Variants in DCC observed in about 807,000 individuals in gnomAD.
The protein encoded by DCC is netrin receptor DCC.
A neutral mutation model predicts 172.5 loss-of-function variants in DCC; 58 were observed. That is an observed-to-expected ratio of 0.34 (90% CI 0.27 to 0.42). The LOEUF (loss-of-function observed/expected upper bound fraction) is 0.42, where lower values mean the gene tolerates loss of function less well. Ranked by LOEUF, DCC falls within the 10% of genes least tolerant of loss-of-function variation. The pLI is 1.00. For synonymous variants in DCC, 709 were observed against 644.5 expected, an observed-to-expected ratio of 1.10 and a Z score of -1.52; for missense variants, 1,740 against 1,791.0, an observed-to-expected ratio of 0.97 and a Z score of 0.51.
chr18:53,013,539 C>CG (rs2041761847), intron 5 of DCC, among the ~76,000 whole-genome samples: 1 of 151,412 alleles, frequency 6.6e-6, no homozygotes, highest in Non-Finnish European at 1.5e-5. Context: ...AGGGCATTAT[C>CG]GGGGGGTGGG....
chr18:52,392,730 T>C (rs1051063582), intron 1 of DCC, among the ~76,000 whole-genome samples: 86 of 152,068 alleles, frequency 5.7e-4, no homozygotes, highest in African/African-American at 2.1e-3. Flanking sequence ...CTTTGGTGTG[T>C]TCCTGTCTAC....
At chr18:52,813,247 T>C (rs377457174) in intron 2 of DCC, among the ~76,000 whole-genome samples, 1 of 73,424 alleles carries the variant, frequency 1.4e-5, no homozygotes, top group Admixed American at 1.1e-4. Context: ...GTTCACTAAA[T>C]GCCACATGAA....
At chr18:53,131,275 A>T (rs2043647302) in intron 7 of DCC, among the ~76,000 whole-genome samples, 1 of 152,164 alleles carries the variant, frequency 6.6e-6, no homozygotes, top group Non-Finnish European at 1.5e-5. Context: ...TCTCTCAAGA[A>T]GGGCTTTGAA....
rs72918254 is a variant in DCC, at chr18:53,478,337, C to T, written c.3737-8460C>T. On this transcript the variant is annotated intron_variant, in intron 25 of 28. Coordinates refer to ENST00000442544, the MANE Select transcript of DCC (RefSeq NM_005215.4). ...TGAAGAAAGATTTAGATCTACATTACATTTCTAGATGGTATTGCACAATCG... is the reference window on the plus strand; with the variant it reads ...TGAAGAAAGATTTAGATCTACATTATATTTCTAGATGGTATTGCACAATCG... Among the ~76,000 whole-genome samples, 652 of 152,318 alleles carry T rather than the reference C, an allele frequency of 4.3e-3. 1 individual carries two copies. Among genetic ancestry groups the T allele is most frequent in the Non-Finnish European group, 6.8e-3 (464 of 68,034 alleles).
intron 7 of DCC, among the ~76,000 whole-genome samples, chr18:53,082,277 A>G (rs920283071): frequency 2.6e-5 from 4 of 152,160 alleles, no homozygotes; most frequent in Admixed American, 6.6e-5. Context: ...CCTTGCAAGC[A>G]TAATAACAAA....
chr18:53,024,988 A>G (rs2041936594), intron 5 of DCC, among the ~76,000 whole-genome samples: 1 of 152,124 alleles, frequency 6.6e-6, no homozygotes, highest in South Asian at 2.1e-4. Flanking sequence ...TTATTTACAT[A>G]AGTAATACAG....
At chr18:52,562,581 T>C (rs1037377180) in intron 1 of DCC, among the ~76,000 whole-genome samples, 4 of 152,142 alleles carry the variant, frequency 2.6e-5, no homozygotes, top group African/African-American at 9.7e-5. Flanking sequence ...TTCAGTTTCC[T>C]TTTCACCTTT....
At chr18:53,031,537 T>A (rs1436644711) in intron 5 of DCC, among the ~76,000 whole-genome samples, 1 of 152,070 alleles carries the variant, frequency 6.6e-6, no homozygotes, top group Non-Finnish European at 1.5e-5. Flanking sequence ...CTTTGCTGTA[T>A]ATCTGCAGGA....
At chr18:52,451,426 T>A (rs1316187060) in intron 1 of DCC, among the ~76,000 whole-genome samples, 1 of 152,040 alleles carries the variant, frequency 6.6e-6, no homozygotes, top group Non-Finnish European at 1.5e-5. Context: ...CTGAGGCCGT[T>A]TGGGAAAGAG....
In DCC at chr18:53,082,721, C is replaced by G. The variant is rs545031921; in HGVS notation, c.1261+16555C>G. On this transcript the variant is annotated intron_variant, in intron 7 of 28. Transcript: ENST00000442544. ...GTATGTCTCTTTCTTATAGTTTCCA[C>G]GTGGTATGTATAAATCTGTTTTATT... Among the ~76,000 whole-genome samples, 39 of 152,142 alleles carry G rather than the reference C, an allele frequency of 2.6e-4. No individual in the cohort carries two copies. The East Asian group carries it at 7.4e-3, about 29-fold the overall frequency.
At chr18:53,354,795 G>T (rs2057857961) in intron 15 of DCC, among the ~76,000 whole-genome samples, 1 of 86,392 alleles carries the variant, frequency 1.2e-5, no homozygotes, top group Non-Finnish European at 2.6e-5. Flanking sequence ...GGCTTTTGTT[G>T]CCAATGGGGT....
In DCC at chr18:52,751,781, T is replaced by A. The variant is rs1376338013; in HGVS notation, c.92-273T>A. Among the ~76,000 whole-genome samples the A allele has an allele frequency of 2.0e-5, 3 of 152,176 alleles. No homozygotes were observed. The East Asian group carries it at 5.8e-4, about 29-fold the overall frequency. On this transcript the variant is annotated intron_variant, in intron 1 of 28. Coordinates refer to ENST00000442544, the MANE Select transcript of DCC (RefSeq NM_005215.4). Reference sequence around the variant, plus strand: ...GTCTAAATTTTCATGTACTGACTGATATGTGGTAATAAGCATGCCAGGATT... The same window carrying A: ...GTCTAAATTTTCATGTACTGACTGAAATGTGGTAATAAGCATGCCAGGATT...
At chr18:52,930,255 G>A (rs994581061) in intron 5 of DCC, among the ~76,000 whole-genome samples, 1 of 151,856 alleles carries the variant, frequency 6.6e-6, no homozygotes, top group East Asian at 1.9e-4. Flanking sequence ...ATGAGCCATC[G>A]CACCCAACCT....
intron 1 of DCC, among the ~76,000 whole-genome samples, chr18:52,393,007 G>A (rs1409884555): frequency 6.6e-6 from 1 of 152,024 alleles, no homozygotes; most frequent in Non-Finnish European, 1.5e-5. Context: ...CTGTGGTGAA[G>A]CCAGGGCCAG....
At chr18:52,888,324 G>T (rs2039598197) in intron 2 of DCC, among the ~76,000 whole-genome samples, 1 of 152,140 alleles carries the variant, frequency 6.6e-6, no homozygotes, top group East Asian at 1.9e-4. Context: ...AACAGTATGT[G>T]GTCTTCTCAG....
intron 25 of DCC, chr18:53,480,789 G>A (rs189392343): frequency 2.6e-5 from 4 of 152,122 alleles, no homozygotes; most frequent in Non-Finnish European, 5.9e-5. Context: ...GCTCTTCAAC[G>A]TGTAGCTATT....
chr18:52,781,739 G>T (rs868153126), intron 2 of DCC, among the ~76,000 whole-genome samples: 1 of 152,032 alleles, frequency 6.6e-6, no homozygotes, highest in Non-Finnish European at 1.5e-5. Flanking sequence ...AGAGGACTTT[G>T]TCTCTTGAAG....
At chr18:52,984,346 T>C (rs1345563311) in intron 5 of DCC, among the ~76,000 whole-genome samples, 5 of 152,124 alleles carry the variant, frequency 3.3e-5, no homozygotes, top group African/African-American at 1.2e-4. Context: ...GTTTTCAAAC[T>C]TGAGGATTTA....
intron 1 of DCC, among the ~76,000 whole-genome samples, chr18:52,657,546 T>C (rs888166687): frequency 6.6e-6 from 1 of 152,180 alleles, no homozygotes; most frequent in Non-Finnish European, 1.5e-5. Flanking sequence ...GTTGAAGTGA[T>C]GTTAAGTTTT....
Sources: gnomAD v4.1 joint callset for allele counts (sites outside exome capture counted in the v4.1 genomes callset) on GRCh38, gnomAD v4.1.1 for gene constraint, MANE v1.5 for transcripts, NCBI Gene and HGNC (gene_info 2026-07-23, HGNC 2026-07-21) for gene names.